Variants in PHF3 observed in about 807,000 individuals in gnomAD.
PHF3 encodes PHD finger protein 3.
In PHF3, 41 loss-of-function variants were observed where a neutral mutation model predicts 178.4. That is an observed-to-expected ratio of 0.23 (90% CI 0.18 to 0.30). The LOEUF (loss-of-function observed/expected upper bound fraction) is 0.30. Ranked by LOEUF, PHF3 falls within the 10% of genes least tolerant of loss-of-function variation. The probability of loss-of-function intolerance (pLI) is 1.00; values close to 1 mark genes in which losing one functional copy is unlikely to be tolerated. For missense variants in PHF3, 2,346 were observed against 2,398.1 expected, an observed-to-expected ratio of 0.98 and a Z score of 0.45; for synonymous variants, 842 against 800.5, an observed-to-expected ratio of 1.05 and a Z score of -0.88.
chr6:63,699,600 C>CT (rs1451532508), intron 8 of PHF3, among the ~76,000 whole-genome samples: 1 of 151,540 alleles, frequency 6.6e-6, no homozygotes, highest in Non-Finnish European at 1.5e-5. Context: ...GTTTTTTTAT[C>CT]TTTTTTTTGG....
intron 1 of PHF3, among the ~76,000 whole-genome samples, chr6:63,641,348 A>G (rs921447094): frequency 4.6e-5 from 7 of 151,976 alleles, no homozygotes; most frequent in Non-Finnish European, 7.4e-5. Flanking sequence ...CACCATCACT[A>G]TTGCCTTGTA....
At chr6:63,668,538 C>G (rs1405677110) in intron 2 of PHF3, among the ~76,000 whole-genome samples, 1 of 152,072 alleles carries the variant, frequency 6.6e-6, no homozygotes, top group Non-Finnish European at 1.5e-5. Context: ...GATGGGGTCT[C>G]TCCATGTTGC....
chr6:63,702,461 A>T, intron 9 of PHF3, 47 bp from the exon 10 acceptor site: 6 of 1,308,052 alleles, frequency 4.6e-6, no homozygotes, highest in Non-Finnish European at 6.3e-6. Context: ...TACACTTGGA[A>T]ATACATATTT....
chr6:63,708,494 AT>A (rs775693993), intron 13 of PHF3, among the ~76,000 whole-genome samples: 4 of 152,150 alleles, frequency 2.6e-5, no homozygotes, highest in African/African-American at 7.2e-5. Flanking sequence ...CCCAAATCAA[AT>A]ATTTTAAAGT....
At chr6:63,655,832 G>A (rs897159072) in intron 2 of PHF3, among the ~76,000 whole-genome samples, 1 of 151,744 alleles carries the variant, frequency 6.6e-6, no homozygotes, top group Non-Finnish European at 1.5e-5. Flanking sequence ...TTGCAGTGTT[G>A]GGGTTTTGCT....
intron 2 of PHF3, among the ~76,000 whole-genome samples, chr6:63,654,433 T>A (rs1315773557): frequency 6.6e-6 from 1 of 152,220 alleles, no homozygotes; most frequent in Non-Finnish European, 1.5e-5. Context: ...CCTTTAAGAA[T>A]AAAAATTTCT....
chr6:63,689,812 T>C (rs1406389763), intron 4 of PHF3, among the ~76,000 whole-genome samples: 1 of 152,162 alleles, frequency 6.6e-6, no homozygotes, highest in Non-Finnish European at 1.5e-5. Flanking sequence ...GGTTTGGATT[T>C]GGAACAATAG....
chr6:63,700,612 T>G (rs567837817), intron 9 of PHF3, 146 bp downstream of exon 9: 35 of 506,496 alleles, frequency 6.9e-5, no homozygotes, highest in African/African-American at 6.8e-4. Flanking sequence ...TGAGATGGCG[T>G]CTAGCTCATT....
In PHF3 at chr6:63,712,984, G is replaced by A. The variant is rs1190162946; in HGVS notation, c.5396G>A (p.Arg1799Lys). The A allele has an allele frequency of 1.2e-6, 2 of 1,613,856 alleles. No individual in the cohort carries two copies. The highest frequency in any genetic ancestry group is 1.7e-6 in the Non-Finnish European group (2 of 1,179,966). Reference sequence around the variant, plus strand: ...ACAAGTACAAACTTTTCACCCATGAGGCCACAGCAGCCCAACCTTCAGCAT... The same window carrying A: ...ACAAGTACAAACTTTTCACCCATGAAGCCACAGCAGCCCAACCTTCAGCAT... The part of the protein sequence containing the change: ...PRTSTNFSPM[R>K]PQQPNLQHLK... The change falls in exon 16 of 16, where the codon AGG becomes AAG. Residue 1799 changes from arginine to lysine, a missense_variant. Physicochemically the swap from Arg to Lys is conservative, Grantham distance 26 (BLOSUM62 2). This residue lies in a region of PHF3 where 839 missense variants were observed against 806.9 expected (regional missense o/e 1.04). Transcript: ENST00000262043.
chr6:63,706,321 A>G lies in PHF3; in HGVS notation c.3563+97A>G, dbSNP rs1767690958. 6.8e-6 allele frequency: 6 copies of G among 883,924 alleles called. No individual in the cohort carries two copies. In the East Asian group the frequency reaches 1.5e-4, roughly 23 times the overall value. 54.8% of individuals were successfully genotyped at this position (883,924 alleles called of 1,614,324 possible). A position where few individuals can be genotyped will look rare whatever the true frequency, so the allele number is the denominator to read the frequency against. On this transcript the variant is annotated intron_variant, in intron 12 of 15. Transcript: ENST00000262043. The stretch of plus-strand genomic sequence containing the variant: ...AAAACAGAAAAGTGACATTTTGGGA[A>G]CCTCTCATTTGAGAAAATAACTGTA...
intron 1 of PHF3, among the ~76,000 whole-genome samples, chr6:63,640,576 G>A (rs147094579): frequency 4.1e-4 from 62 of 152,296 alleles, no homozygotes; most frequent in African/African-American, 1.4e-3. Flanking sequence ...GCAGTTGTAA[G>A]CACATTGACT....
chr6:63,651,715 C>T (rs1337605899), intron 2 of PHF3, among the ~76,000 whole-genome samples: 1 of 152,082 alleles, frequency 6.6e-6, no homozygotes, highest in East Asian at 1.9e-4. Context: ...CCTGCTCCTT[C>T]CCCTTCCCCA....
intron 6 of PHF3, among the ~76,000 whole-genome samples, chr6:63,695,349 C>G (rs1473146075): frequency 6.6e-6 from 1 of 152,128 alleles, no homozygotes; most frequent in Non-Finnish European, 1.5e-5. Flanking sequence ...TGCTCGTACC[C>G]TATTTTAAAA....
At chr6:63,672,972 C>T (rs1765985427) in intron 2 of PHF3, among the ~76,000 whole-genome samples, 1 of 152,098 alleles carries the variant, frequency 6.6e-6, no homozygotes, top group Non-Finnish European at 1.5e-5. Context: ...AAGAGGCACC[C>T]TAGGAGTCTC....
chr6:63,721,115 A>G lies in PHF3; in HGVS notation c.*7407A>G, dbSNP rs867410198. On this transcript the variant is annotated 3_prime_UTR_variant, in exon 16 of 16. Transcript: ENST00000262043. ...TAGTGAACTGGAGGTTTCTCATTCT[A>G]TAATTTGGATCAATGTATTTAATGT... is the stretch of plus-strand genomic sequence containing the variant. The G allele has an allele frequency of 3.2e-5, 50 of 1,551,496 alleles. No homozygotes were observed. In the African/African-American group the frequency reaches 6.0e-4, roughly 19 times the overall value.
chr6:63,659,810 G>C (rs1298173698), intron 2 of PHF3, among the ~76,000 whole-genome samples: 3 of 152,120 alleles, frequency 2.0e-5, no homozygotes, highest in Non-Finnish European at 4.4e-5. Flanking sequence ...TTGGGTTAGG[G>C]ATACTCAACC....
intron 2 of PHF3, among the ~76,000 whole-genome samples, chr6:63,651,874 A>G (rs934712908): frequency 1.3e-4 from 20 of 152,056 alleles, no homozygotes; most frequent in Non-Finnish European, 2.9e-4. Flanking sequence ...ATAATGGCAG[A>G]ATTTTGTTCT....
chr6:63,693,917 C>A (rs1767117347), intron 5 of PHF3, among the ~76,000 whole-genome samples: 1 of 152,146 alleles, frequency 6.6e-6, no homozygotes, highest in Non-Finnish European at 1.5e-5. Flanking sequence ...TATATTCCTG[C>A]TCTCAAGAAT....
At chr6:63,644,921 C>G (rs1375035209) in intron 1 of PHF3, among the ~76,000 whole-genome samples, 3 of 149,582 alleles carry the variant, frequency 2.0e-5, no homozygotes, top group Admixed American at 2.0e-4. Flanking sequence ...GGTTCTGGCT[C>G]TTTTGCCAGG....
Sources: allele counts gnomAD v4.1 joint callset (sites outside exome capture counted in the v4.1 genomes callset), GRCh38; gene constraint gnomAD v4.1.1; regional missense constraint gnomAD v4.1.1; transcripts MANE v1.5; gene names NCBI Gene and HGNC (gene_info 2026-07-23, HGNC 2026-07-21).